The following TEX10 variants were observed in gnomAD, a reference collection of about 807,000 sequenced individuals.
TEX10 encodes the protein testis expressed 10.
In TEX10, 24 loss-of-function variants were observed where a neutral mutation model predicts 104.4. The ratio of observed to expected loss-of-function variants is 0.23; its 90% CI spans 0.17 to 0.32. TEX10 has a LOEUF of 0.32. Ranked by LOEUF, TEX10 falls within the 10% of genes least tolerant of loss-of-function variation. TEX10 has a pLI of 1.00. For synonymous variants in TEX10, 396 were observed against 393.4 expected (o/e 1.01, Z -0.08); for missense variants, 921 against 1,083.9 (o/e 0.85, Z 2.11).
chr9:100,316,984 GAAAATGTAGATGACAC>G (rs891381745), intron 11 of TEX10, among the ~76,000 whole-genome samples: 4 of 142,138 alleles, frequency 2.8e-5, no homozygotes, highest in African/African-American at 1.0e-4. Flanking sequence ...ACTGATGAAA[GAAAATGTAGATGACAC>G]AAACAAATGG....
intron 5 of TEX10, among the ~76,000 whole-genome samples, chr9:100,338,088 T>C (rs1835058086): frequency 1.3e-5 from 2 of 152,174 alleles, no homozygotes; most frequent in Non-Finnish European, 2.9e-5. Flanking sequence ...ATTTTTTCCT[T>C]TGTAGATGGC....
chr9:100,321,434 G>T (rs370018787), intron 10 of TEX10, among the ~76,000 whole-genome samples: 1 of 152,000 alleles, frequency 6.6e-6, no homozygotes, highest in South Asian at 2.1e-4. Context: ...TAATGCTCAG[G>T]GTTTTGATAC....
chr9:100,333,637 A>G (rs1205138588), intron 5 of TEX10, among the ~76,000 whole-genome samples: 11 of 24,202 alleles, frequency 4.5e-4, no homozygotes, highest in Non-Finnish European at 5.7e-4. Context: ...ACCCCATCAT[A>G]AAAAAAAAAA....
intron 4 of TEX10, among the ~76,000 whole-genome samples, chr9:100,340,920 T>C (rs1835155730): frequency 1.3e-5 from 2 of 152,112 alleles, no homozygotes; most frequent in Admixed American, 1.3e-4. Flanking sequence ...AGAAGTTTCC[T>C]AGATGTGGGA....
At chr9:100,344,564 G>A (rs1215103818) in intron 4 of TEX10, among the ~76,000 whole-genome samples, 1 of 152,196 alleles carries the variant, frequency 6.6e-6, no homozygotes, top group African/African-American at 2.4e-5. Flanking sequence ...GAAAAAACTA[G>A]GCCAGGCGTG....
intron 5 of TEX10, among the ~76,000 whole-genome samples, chr9:100,334,156 G>A (rs2118900442): frequency 6.6e-6 from 1 of 151,990 alleles, no homozygotes; most frequent in African/African-American, 2.4e-5. Flanking sequence ...CAAGATCTCA[G>A]ATATCCACTA....
intron 12 of TEX10, among the ~76,000 whole-genome samples, chr9:100,308,978 A>G (rs937218496): frequency 6.6e-6 from 1 of 152,250 alleles, no homozygotes; most frequent in Non-Finnish European, 1.5e-5. Flanking sequence ...CTGGTTAGAA[A>G]TAACTATTTA....
intron 2 of TEX10, among the ~76,000 whole-genome samples, chr9:100,348,539 C>G (rs1327776210): frequency 2.0e-5 from 3 of 152,164 alleles, no homozygotes; most frequent in African/African-American, 7.2e-5. Flanking sequence ...AAATGAATGA[C>G]AGGATTGTAT....
chr9:100,322,897 T>C (rs1184984818), intron 9 of TEX10, among the ~76,000 whole-genome samples: 1 of 152,166 alleles, frequency 6.6e-6, no homozygotes. Flanking sequence ...ATTACAGTTG[T>C]GAGCCACTGC....
At chr9:100,343,345 AAAAG>A (rs1369308833) in intron 4 of TEX10, among the ~76,000 whole-genome samples, 2 of 151,172 alleles carry the variant, frequency 1.3e-5, no homozygotes, top group African/African-American at 2.4e-5. Context: ...GCAAAAAAAA[AAAAG>A]AAAGAAAGAA....
At chr9:100,310,448 C>CT (rs778805860) in intron 11 of TEX10, 69 bp from the exon 12 acceptor site, 243 of 1,405,580 alleles carry the variant, frequency 1.7e-4, no homozygotes, top group Non-Finnish European at 2.0e-4. Flanking sequence ...TCAACAGATT[C>CT]TTTTTTTTGA....
intron 5 of TEX10, among the ~76,000 whole-genome samples, chr9:100,331,111 A>T (rs1588178452): frequency 7.2e-6 from 1 of 139,498 alleles, no homozygotes; most frequent in South Asian, 2.4e-4. Flanking sequence ...AAAAAAAAAA[A>T]TTAGCCGGGT....
chr9:100,316,245 A>G (rs1834415557), intron 11 of TEX10, among the ~76,000 whole-genome samples: 1 of 152,252 alleles, frequency 6.6e-6, no homozygotes, highest in South Asian at 2.1e-4. Context: ...AATGTAATAC[A>G]TCACATAAAC....
chr9:100,349,177 G>T lies in TEX10; in HGVS notation c.180+7C>A, dbSNP rs1835376939. On this transcript the variant is annotated splice_region_variant and intron_variant, in intron 2 of 14. Transcript: ENST00000374902. ...CTTATTTTGTCAAAACATGATTTATGATTTACCTTTATGTTAAGTTTTCTA... is the reference window on the plus strand; with the variant it reads ...CTTATTTTGTCAAAACATGATTTATTATTTACCTTTATGTTAAGTTTTCTA... 6.6e-7 allele frequency: 1 copy of T among 1,524,834 alleles called. No homozygotes were observed. The highest frequency in any genetic ancestry group is 1.4e-5 in the African/African-American group (1 of 70,868). The allele number at this position is 1,524,834 out of a possible 1,614,324, so 94.5% of individuals were successfully genotyped here.
At chr9:100,309,382 A>G (rs1177063649) in intron 12 of TEX10, among the ~76,000 whole-genome samples, 2 of 152,208 alleles carry the variant, frequency 1.3e-5, no homozygotes, top group African/African-American at 2.4e-5. Flanking sequence ...ATGATTTTAC[A>G]AAGTCTGCAA....
Position 100,351,361 on chromosome 9 carries a change from C to CT in TEX10, c.-10+1410dup, listed in dbSNP as rs1346201684. On this transcript the variant is annotated intron_variant, in intron 1 of 14. Transcript: ENST00000374902. ...CACCCACACCTCTAGTTACCTTAGT[C>CT]TTAAAAAACAAAACAAAACAAAAAA... Among the ~76,000 whole-genome samples the CT allele has an allele frequency of 2.7e-3, 101 of 37,494 alleles. 9 individuals carry two copies. Among genetic ancestry groups the CT allele is most frequent in the South Asian group, 5.0e-3 (3 of 598 alleles). The allele number at this position is 37,494 out of a possible 152,430, so 24.6% of individuals were successfully genotyped here.
intron 7 of TEX10, among the ~76,000 whole-genome samples, chr9:100,328,242 T>C (rs1466820909): frequency 1.3e-5 from 2 of 152,212 alleles, no homozygotes; most frequent in Non-Finnish European, 2.9e-5. Context: ...ATCGGTGTTA[T>C]TATACTATAT....
chr9:100,349,085 T>C (rs975119150), intron 2 of TEX10, 99 bp downstream of exon 2: 3 of 1,028,352 alleles, frequency 2.9e-6, no homozygotes, highest in Non-Finnish European at 4.0e-6. Flanking sequence ...CTAGGCAAAC[T>C]ATTTACTCTA....
chr9:100,331,098 AC>A (rs1405449152), intron 5 of TEX10, among the ~76,000 whole-genome samples: 7 of 94,404 alleles, frequency 7.4e-5, no homozygotes, highest in Admixed American at 1.2e-4. Context: ...TCTACTAAAT[AC>A]AAAAAAAAAA....
Sources: allele counts gnomAD v4.1 joint callset (sites outside exome capture counted in the v4.1 genomes callset), GRCh38; gene constraint gnomAD v4.1.1; transcripts MANE v1.5; gene names NCBI Gene and HGNC (gene_info 2026-07-23, HGNC 2026-07-21).